Variants in ARHGAP19 observed in about 807,000 individuals in gnomAD.
ARHGAP19 encodes the protein rho GTPase-activating protein 19.
In ARHGAP19, 48 loss-of-function variants were observed where a neutral mutation model predicts 60.9. The observed-to-expected ratio is 0.79, with a 90% CI of 0.62 to 1.00. ARHGAP19 has a LOEUF of 1.00. Ranked by LOEUF, ARHGAP19 falls within the 50% of genes least tolerant of loss-of-function variation. The pLI, the probability that ARHGAP19 is intolerant of heterozygous loss-of-function variation, is 0.00. For missense variants in ARHGAP19, 562 were observed against 597.2 expected (o/e 0.94, Z 0.61); for synonymous variants, 209 against 215.5 (o/e 0.97, Z 0.27).
At chr10:97,239,118 T>A (rs966616652) in intron 8 of ARHGAP19, among the ~76,000 whole-genome samples, 1 of 152,208 alleles carries the variant, frequency 6.6e-6, no homozygotes, top group African/African-American at 2.4e-5. Context: ...GTACACTCTA[T>A]GATGTTCACA....
At chr10:97,226,482 T>C (rs1164290198) in intron 11 of ARHGAP19, among the ~76,000 whole-genome samples, 3 of 152,206 alleles carry the variant, frequency 2.0e-5, no homozygotes, top group African/African-American at 4.8e-5. Context: ...CGAGGACTAA[T>C]ATATAAGCTA....
At chr10:97,234,023 T>C (rs1021940477) in intron 9 of ARHGAP19, among the ~76,000 whole-genome samples, 11 of 151,476 alleles carry the variant, frequency 7.3e-5, no homozygotes, top group African/African-American at 1.7e-4. Flanking sequence ...TCCCAGCAAT[T>C]TGGGAGGCTG....
chr10:97,229,893 A>T lies in ARHGAP19; in HGVS notation c.1285-19T>A, dbSNP rs1850973345. 6.5e-7 allele frequency: 1 copy of T among 1,548,644 alleles called. No homozygotes were observed. The highest frequency in any genetic ancestry group is 1.4e-5 in the African/African-American group (1 of 72,630). On this transcript the variant is annotated intron_variant, in intron 9 of 11. Coordinates refer to ENST00000358531, the MANE Select transcript of ARHGAP19 (RefSeq NM_032900.6). ...CCTTCCGCTGATTTAAGAACAGAAA[A>T]CATTTGATTTATAAACACCTACTGC...
intron 8 of ARHGAP19, among the ~76,000 whole-genome samples, chr10:97,241,352 C>T (rs1007734733): frequency 6.6e-6 from 1 of 151,844 alleles, no homozygotes; most frequent in African/African-American, 2.4e-5. Flanking sequence ...GCCCTTACAT[C>T]TACACTCCAG....
At chr10:97,286,700 G>A (rs1843160155) in intron 1 of ARHGAP19, among the ~76,000 whole-genome samples, 1 of 152,160 alleles carries the variant, frequency 6.6e-6, no homozygotes, top group East Asian at 1.9e-4. Flanking sequence ...CACCTCCCCT[G>A]TCCTCCAGAA....
At chr10:97,244,243 AGG>A in intron 7 of ARHGAP19, 84 bp from the exon 8 acceptor site, 2 of 1,142,522 alleles carry the variant, frequency 1.8e-6, no homozygotes, top group South Asian at 1.5e-5. Flanking sequence ...GAACAAAAAA[AGG>A]GAGAGTGGGG....
intron 1 of ARHGAP19, 91 bp from the exon 2 acceptor site, chr10:97,266,216 A>T (rs1842898063): frequency 6.8e-7 from 1 of 1,463,792 alleles, no homozygotes; most frequent in African/African-American, 1.4e-5. Context: ...GACTCCACGC[A>T]AAGGCAGAGG....
chr10:97,231,281 T>A (rs1463966746), intron 9 of ARHGAP19, among the ~76,000 whole-genome samples: 1 of 151,252 alleles, frequency 6.6e-6, no homozygotes, highest in Non-Finnish European at 1.5e-5. Flanking sequence ...GCTAAGGGAT[T>A]TTTTTTAAAC....
intron 9 of ARHGAP19, among the ~76,000 whole-genome samples, chr10:97,233,244 G>A (rs1851059110): frequency 6.6e-6 from 1 of 152,078 alleles, no homozygotes; most frequent in South Asian, 2.1e-4. Flanking sequence ...CAGCTACTTG[G>A]GAGGCTGAAG....
intron 1 of ARHGAP19, among the ~76,000 whole-genome samples, chr10:97,288,887 TC>T (rs1191074195): frequency 7.1e-6 from 1 of 141,426 alleles, no homozygotes; most frequent in Non-Finnish European, 1.5e-5. Context: ...TGATCTCAGC[TC>T]ACTGCAACCT....
At chr10:97,292,424 C>T (rs972910244) in intron 1 of ARHGAP19, 148 bp downstream of exon 1, 2 of 1,063,474 alleles carry the variant, frequency 1.9e-6, no homozygotes. Flanking sequence ...GACCCCCGCG[C>T]CTCAGCCCCC....
intron 5 of ARHGAP19, among the ~76,000 whole-genome samples, chr10:97,257,762 T>C (rs1228287494): frequency 6.6e-6 from 1 of 152,192 alleles, no homozygotes; most frequent in African/African-American, 2.4e-5. Flanking sequence ...CAGAACTTTA[T>C]TATTTTTTCA....
At chr10:97,265,480 C>G in intron 2 of ARHGAP19, 1 of 199,288 alleles carries the variant, frequency 5.0e-6, no homozygotes, top group Non-Finnish European at 1.0e-5. Flanking sequence ...GCATCGGCAA[C>G]AAAGTGGGAC....
chr10:97,280,940 C>T (rs1049851124), intron 1 of ARHGAP19, among the ~76,000 whole-genome samples: 1 of 152,166 alleles, frequency 6.6e-6, no homozygotes, highest in East Asian at 1.9e-4. Flanking sequence ...AGTACTTCTA[C>T]GTATGATCTG....
chr10:97,261,933 TA>T (rs1307640150), intron 4 of ARHGAP19, among the ~76,000 whole-genome samples: 1 of 152,116 alleles, frequency 6.6e-6, no homozygotes, highest in Non-Finnish European at 1.5e-5. Flanking sequence ...CTCTCCAAGA[TA>T]CAGTAAGTGA....
At chr10:97,281,219 CAAAAAAA>C (rs56674405) in intron 1 of ARHGAP19, among the ~76,000 whole-genome samples, 15,901 of 131,686 alleles carry the variant, frequency 0.12, 1,086 homozygotes, top group African/African-American at 0.22. Context: ...TCTGTCACTA[CAAAAAAA>C]AAAAAAAAAA....
intron 1 of ARHGAP19, among the ~76,000 whole-genome samples, chr10:97,287,619 T>C (rs1393685672): frequency 6.6e-6 from 1 of 152,178 alleles, no homozygotes; most frequent in Non-Finnish European, 1.5e-5. Context: ...GGCGCATGCC[T>C]GTAGTCCCAG....
chr10:97,226,423 C>A (rs940552410), intron 11 of ARHGAP19, among the ~76,000 whole-genome samples: 2 of 152,150 alleles, frequency 1.3e-5, no homozygotes, highest in Non-Finnish European at 2.9e-5. Context: ...AGGTACTACT[C>A]CTACCATTTT....
intron 7 of ARHGAP19, among the ~76,000 whole-genome samples, chr10:97,245,514 C>G (rs1201918988): frequency 2.0e-5 from 3 of 149,270 alleles, no homozygotes; most frequent in African/African-American, 7.4e-5. Context: ...CCCAGCTACT[C>G]AGGAGGCTGA....
Sources: gnomAD v4.1 joint callset for allele counts (sites outside exome capture counted in the v4.1 genomes callset) on GRCh38, gnomAD v4.1.1 for gene constraint, MANE v1.5 for transcripts, NCBI Gene and HGNC (gene_info 2026-07-23, HGNC 2026-07-21) for gene names.